GOLGA3: variants seen among roughly 807,000 people sequenced by gnomAD.
The protein encoded by GOLGA3 is golgin subfamily A member 3.
Under a neutral mutation model 169.4 loss-of-function variants are expected in GOLGA3, and 75 were observed. The observed-to-expected ratio is 0.44, with a 90% CI of 0.37 to 0.54. GOLGA3 has a LOEUF of 0.54. GOLGA3 is among the 20% of genes least tolerant of loss of function. GOLGA3 has a pLI of 0.00. For synonymous variants in GOLGA3, 824 were observed against 822.4 expected (o/e 1.00, Z -0.03); for missense variants, 1,899 against 1,930.0 (o/e 0.98, Z 0.30).
chr12:132,824,348 C>A (rs148751179), intron 1 of GOLGA3, among the ~76,000 whole-genome samples: 199 of 152,344 alleles, frequency 1.3e-3, no homozygotes, highest in African/African-American at 4.2e-3. Context: ...TCTCTGCCAC[C>A]TTGCATCCTA....
intron 12 of GOLGA3, among the ~76,000 whole-genome samples, chr12:132,789,557 TC>T (rs1176486109): frequency 1.3e-5 from 2 of 152,020 alleles, no homozygotes; most frequent in African/African-American, 4.8e-5. Flanking sequence ...TTCCAAGGAG[TC>T]TGGCTCTCTC....
chr12:132,782,813 T>C (rs2045676529), intron 16 of GOLGA3, among the ~76,000 whole-genome samples: 1 of 147,746 alleles, frequency 6.8e-6, no homozygotes. Flanking sequence ...GAGGTGGAGG[T>C]TGCAGTGAGC....
In GOLGA3 at chr12:132,795,937, C is replaced by G. The variant is rs758634916; in HGVS notation, c.2384G>C (p.Gly795Ala). 6.2e-7 allele frequency: 1 copy of G among 1,614,166 alleles called. No individual in the cohort carries two copies. Among genetic ancestry groups the G allele is most frequent in the South Asian group, 1.1e-5 (1 of 91,088 alleles). ...AKSGKEELDR[G>A]ARRLEEGTEE... ...GGTACCTTCTTCCAAGCGTCTTGCT[C>G]CTCTGTCAAGCTCCTCCTTGCCACT... is the stretch of plus-strand genomic sequence containing the variant. Residue 795 changes from glycine (G) to alanine (A), a missense_variant, in exon 11 of 24, where the codon GGA becomes GCA. Coordinates refer to ENST00000450791, the MANE Select transcript of GOLGA3 (RefSeq NM_001389683.1).
At chr12:132,813,440 T>A (rs749442148) in intron 3 of GOLGA3, 21 bp from the exon 4 acceptor site, 1 of 1,356,160 alleles carries the variant, frequency 7.4e-7, no homozygotes, top group East Asian at 2.3e-5. Context: ...AAAAGGGCAA[T>A]TTGGAAACTC....
At chr12:132,815,026 C>G (rs4758945) in intron 3 of GOLGA3, among the ~76,000 whole-genome samples, 1 of 152,108 alleles carries the variant, frequency 6.6e-6, no homozygotes, top group Non-Finnish European at 1.5e-5. Flanking sequence ...ACACATGACA[C>G]CCTCCTTACA....
chr12:132,796,613 C>T lies in GOLGA3; in HGVS notation c.2026G>A (p.Glu676Lys). The T allele has an allele frequency of 1.2e-6, 2 of 1,614,122 alleles. No homozygotes were observed. Among genetic ancestry groups the T allele is most frequent in the South Asian group, 2.2e-5 (2 of 91,088 alleles). The change falls in exon 10 of 24, where the codon GAG (glutamate) becomes AAG (lysine). Residue 676 changes from glutamate to lysine, a missense_variant. Coordinates refer to ENST00000450791, the MANE Select transcript of GOLGA3 (RefSeq NM_001389683.1). The part of the protein sequence containing the change: ...VEEDLQRRLE[E>K]FEGERERLQR... Reference sequence around the variant, plus strand: ...AGCCGCTCCCTCTCACCTTCAAACTCTTCCAGCCTCCTCTGAAGGTCCTCC... The same window carrying T: ...AGCCGCTCCCTCTCACCTTCAAACTTTTCCAGCCTCCTCTGAAGGTCCTCC...
chr12:132,791,273 C>T lies in GOLGA3; in HGVS notation c.2490G>A (p.Glu830=), dbSNP rs1160742500. The part of the protein sequence containing the change: ...KSGQVEHLQQ[E]TAALKKQMQK... ...GCATTTGCTTTTTCAGAGCAGCAGT[C>T]TCCTGCTGCAGGTGTTCCACCTGTG... The change falls in exon 12 of 24, where the codon GAG becomes GAA. Residue 830 remains glutamate, a synonymous_variant. Coordinates refer to ENST00000450791, the MANE Select transcript of GOLGA3 (RefSeq NM_001389683.1). 2 of 1,602,252 alleles carry T rather than the reference C, an allele frequency of 1.2e-6. No individual in the cohort carries two copies. The highest frequency in any genetic ancestry group is 8.5e-7 in the Non-Finnish European group (1 of 1,170,750).
intron 15 of GOLGA3, among the ~76,000 whole-genome samples, chr12:132,785,602 C>T (rs1487795695): frequency 6.6e-6 from 1 of 152,170 alleles, no homozygotes; most frequent in Non-Finnish European, 1.5e-5. Flanking sequence ...TGTGAGCCAC[C>T]GTGCCCGGCC....
chr12:132,786,762 A>G lies in GOLGA3; in HGVS notation c.2837T>C (p.Met946Thr). 6.2e-7 allele frequency: 1 copy of G among 1,613,020 alleles called. No individual in the cohort carries two copies. Among genetic ancestry groups the G allele is most frequent in the African/African-American group, 1.3e-5 (1 of 74,848 alleles). The part of the protein sequence containing the change: ...LQSLQFDKEQ[M>T]VAVTEANEAL... ...CTCATTGGCCTCTGTGACCGCGACC[A>G]TCTGCTCCTTATCGAACTGCAACGA... The change falls in exon 14 of 24, where the codon ATG becomes ACG. Residue 946 changes from methionine (M) to threonine (T), a missense_variant. Transcript: ENST00000450791.
Position 132,807,653 on chromosome 12 carries a change from G to A in GOLGA3, c.1178+238C>T, listed in dbSNP as rs187677164. ...ATTAAATGTTCATGTCAAGACTAAG[G>A]ATAGAATCAGGAAGAAAAGCTGTGT... On this transcript the variant is annotated intron_variant, in intron 5 of 23. Coordinates refer to ENST00000450791, the MANE Select transcript of GOLGA3 (RefSeq NM_001389683.1). Among the ~76,000 whole-genome samples, 46 of 152,294 alleles carry A rather than the reference G, an allele frequency of 3.0e-4. No individual in the cohort carries two copies. The East Asian group carries it at 8.3e-3, about 28-fold the overall frequency.
chr12:132,813,485 G>T, intron 3 of GOLGA3, 66 bp from the exon 4 acceptor site: 1 of 862,836 alleles, frequency 1.2e-6, no homozygotes, highest in Admixed American at 2.3e-5. Context: ...TCAGGCACAA[G>T]AACTTGGTCA....
chr12:132,782,875 C>CAAAAA (rs63295864), intron 16 of GOLGA3, among the ~76,000 whole-genome samples: 6 of 102,154 alleles, frequency 5.9e-5, no homozygotes, highest in South Asian at 3.2e-4. Flanking sequence ...GACTCTGTCT[C>CAAAAA]AAAAAAAAAA....
chr12:132,790,912 G>T (rs1025313670), intron 12 of GOLGA3, among the ~76,000 whole-genome samples: 1 of 150,212 alleles, frequency 6.7e-6, no homozygotes, highest in Non-Finnish European at 1.5e-5. Flanking sequence ...TTAGCCGGAC[G>T]TGGTGGAGGG....
intron 8 of GOLGA3, among the ~76,000 whole-genome samples, chr12:132,799,743 T>TC (rs1441432485): frequency 3.9e-5 from 6 of 152,120 alleles, no homozygotes; most frequent in Admixed American, 1.3e-4. Flanking sequence ...TTGTTGGTTT[T>TC]TTTTTTTTGA....
intron 18 of GOLGA3, among the ~76,000 whole-genome samples, chr12:132,778,525 C>T (rs547166875): frequency 1.9e-4 from 29 of 150,910 alleles, no homozygotes; most frequent in Admixed American, 1.1e-3. Flanking sequence ...GAGCCGAGAT[C>T]GCGCCACTGC....
intron 5 of GOLGA3, 65 bp from the exon 6 acceptor site, chr12:132,807,353 A>T: frequency 1.2e-6 from 1 of 816,272 alleles, no homozygotes; most frequent in Non-Finnish European, 1.9e-6. Context: ...ACTCCTCCAC[A>T]TTCTCCAAAT....
In GOLGA3 at chr12:132,774,122, G is replaced by A. The variant is rs147201505; in HGVS notation, c.4307+35C>T. 4.7e-3 allele frequency: 7,129 copies of A among 1,531,834 alleles called. 25 individuals carry two copies. The highest frequency in any genetic ancestry group is 5.6e-3 in the Non-Finnish European group (6,344 of 1,138,754). 94.9% of individuals were successfully genotyped at this position (1,531,834 alleles called of 1,614,324 possible). A position where few individuals can be genotyped will look rare whatever the true frequency, so the allele number is the denominator to read the frequency against. On this transcript the variant is annotated intron_variant, in intron 23 of 23. Coordinates refer to ENST00000450791, the MANE Select transcript of GOLGA3 (RefSeq NM_001389683.1). ...CAGGTAAGAGGGCATTAATCTTTAA[G>A]ACTAGCTGAAGTGCAGCACGGAATA...
intron 16 of GOLGA3, 92 bp from the exon 17 acceptor site, chr12:132,782,585 C>T (rs370034025): frequency 2.0e-5 from 21 of 1,063,024 alleles, no homozygotes; most frequent in South Asian, 1.4e-4. Context: ...CAAGAAACAG[C>T]GAAAACTTAG....
chr12:132,795,145 GCACTA>G (rs1435362495), intron 11 of GOLGA3, among the ~76,000 whole-genome samples: 1 of 145,584 alleles, frequency 6.9e-6, no homozygotes, highest in East Asian at 2.1e-4. Context: ...CGAGATCACC[GCACTA>G]CACTCCAGCC....
Sources: allele counts gnomAD v4.1 joint callset (sites outside exome capture counted in the v4.1 genomes callset), GRCh38; gene constraint gnomAD v4.1.1; transcripts MANE v1.5; gene names NCBI Gene and HGNC (gene_info 2026-07-23, HGNC 2026-07-21).